Variants in RAVER2 observed in about 807,000 individuals in gnomAD.
The protein encoded by RAVER2 is ribonucleoprotein PTB-binding 2.
RAVER2 carries 46 observed loss-of-function variants against 78.1 expected under a neutral mutation model. That is an observed-to-expected ratio of 0.59 (90% CI 0.46 to 0.75). The LOEUF (loss-of-function observed/expected upper bound fraction) is 0.75, where lower values mean the gene tolerates loss of function less well. Among genes scored for constraint, RAVER2 ranks in the 30% least tolerant of loss-of-function variants. The pLI is 0.00. For synonymous variants in RAVER2, 311 were observed against 313.3 expected (o/e 0.99, Z 0.08); for missense variants, 793 against 837.5 (o/e 0.95, Z 0.66).
At chr1:64,832,361 G>GAAGT (rs144146267) in exon 12 of RAVER2, 28 of 152,666 alleles carry the variant, frequency 1.8e-4, no homozygotes, top group Admixed American at 1.1e-3. Context: ...ACTTGTGAAA[G>GAAGT]AAGTTTTATC....
At chr1:64,826,971 A>G (rs1292030715) in intron 11 of RAVER2, among the ~76,000 whole-genome samples, 1 of 152,150 alleles carries the variant, frequency 6.6e-6, no homozygotes, top group Non-Finnish European at 1.5e-5. Context: ...AGCAAGTTTT[A>G]TGGGTACGTT....
chr1:64,826,306 T>C (rs777679437), intron 11 of RAVER2, among the ~76,000 whole-genome samples: 1 of 152,178 alleles, frequency 6.6e-6, no homozygotes, highest in Non-Finnish European at 1.5e-5. Context: ...AGATGGAGGC[T>C]AAAGAGTGTC....
rs1651487580 is a variant in RAVER2 at position 64,745,200 on chromosome 1, G to A, written c.28G>A (p.Gly10Ser). The change falls in exon 1 of 12, where the codon GGC (glycine) becomes AGC (serine). Residue 10 changes from glycine (G) to serine (S), a missense_variant. Physicochemically the swap from Gly to Ser is moderately conservative, Grantham distance 56 (BLOSUM62 0). Coordinates refer to ENST00000294428, the Ensembl canonical transcript of RAVER2. This position sits in a 1 kb window ranked among gnomAD's most constrained non-coding sequence, Gnocchi z 4.3. Reference sequence around the variant, plus strand: ...GGCGGCGGCGGCGGGAGACGGCGGCGGCGAGGGGGGCGCGGGCCTGGGCAG... The same window carrying A: ...GGCGGCGGCGGCGGGAGACGGCGGCAGCGAGGGGGGCGCGGGCCTGGGCAG... 2 of 1,034,440 alleles carry A rather than the reference G, an allele frequency of 1.9e-6. No individual in the cohort carries two copies. The highest frequency in any genetic ancestry group is 8.6e-5 in the East Asian group (1 of 11,592). 64.1% of individuals were successfully genotyped at this position (1,034,440 alleles called of 1,614,324 possible).
At chr1:64,806,947 T>C (rs891696769) in intron 8 of RAVER2, among the ~76,000 whole-genome samples, 1 of 152,144 alleles carries the variant, frequency 6.6e-6, no homozygotes, top group African/African-American at 2.4e-5. Flanking sequence ...ATATATAGAA[T>C]TTAAAAACTT....
At chr1:64,807,415 C>G in exon 9 of RAVER2, 1 of 1,614,090 alleles carries the variant, frequency 6.2e-7, no homozygotes, top group Non-Finnish European at 8.5e-7. Flanking sequence ...TGGAAGCTTG[C>G]TGGTGGGACA....
At chr1:64,787,050 T>G (rs1365255639) in intron 4 of RAVER2, among the ~76,000 whole-genome samples, 2 of 152,174 alleles carry the variant, frequency 1.3e-5, no homozygotes, top group African/African-American at 4.8e-5. Flanking sequence ...AATACTTATG[T>G]TTTTCATAAT....
At chr1:64,779,549 T>A (rs1652572801) in intron 3 of RAVER2, among the ~76,000 whole-genome samples, 1 of 151,808 alleles carries the variant, frequency 6.6e-6, no homozygotes, top group Non-Finnish European at 1.5e-5. Context: ...TTAATTTTTT[T>A]TTTTTTTTGG....
chr1:64,764,675 ATAT>A (rs913433060), intron 1 of RAVER2, among the ~76,000 whole-genome samples: 9 of 152,228 alleles, frequency 5.9e-5, no homozygotes, highest in Admixed American at 5.9e-4. Flanking sequence ...AATCCAGAAT[ATAT>A]TATTTTAAGG....
At chr1:64,787,153 A>G (rs1652804533) in intron 4 of RAVER2, among the ~76,000 whole-genome samples, 1 of 152,112 alleles carries the variant, frequency 6.6e-6, no homozygotes, top group Non-Finnish European at 1.5e-5. Flanking sequence ...TATTACATTT[A>G]TTTGACATTC....
intron 1 of RAVER2, among the ~76,000 whole-genome samples, chr1:64,767,529 A>T (rs1652206967): frequency 6.6e-6 from 1 of 152,024 alleles, no homozygotes; most frequent in South Asian, 2.1e-4. Context: ...TGAATTCAGC[A>T]TTTTAGGTTA....
At chr1:64,765,660 G>C (rs574771292) in intron 1 of RAVER2, among the ~76,000 whole-genome samples, 1 of 152,296 alleles carries the variant, frequency 6.6e-6, no homozygotes, top group African/African-American at 2.4e-5. Context: ...AGAGGTGGAT[G>C]CAAATGTCAG....
At chr1:64,797,170 T>A (rs1194376134) in intron 5 of RAVER2, among the ~76,000 whole-genome samples, 5 of 152,070 alleles carry the variant, frequency 3.3e-5, no homozygotes, top group Non-Finnish European at 4.4e-5. Flanking sequence ...TTGAGAAGAA[T>A]ATATGTTCCG....
At chr1:64,757,827 C>T (rs11208518) in intron 1 of RAVER2, among the ~76,000 whole-genome samples, 14,675 of 152,136 alleles carry the variant, frequency 0.096, 1,025 homozygotes, top group East Asian at 0.28. Flanking sequence ...GTGTTCATAC[C>T]AATACATTAA....
At chr1:64,753,525 T>C (rs1651761307) in intron 1 of RAVER2, among the ~76,000 whole-genome samples, 1 of 46,674 alleles carries the variant, frequency 2.1e-5, no homozygotes, top group Non-Finnish European at 3.2e-5. Context: ...ATAGAATTCT[T>C]TTTTTTTTTT....
intron 9 of RAVER2, among the ~76,000 whole-genome samples, chr1:64,808,869 CTT>C (rs1193707655): frequency 2.6e-5 from 4 of 152,176 alleles, no homozygotes; most frequent in African/African-American, 9.7e-5. Flanking sequence ...CTTCATGTCT[CTT>C]TGCAATCTTT....
At chr1:64,823,940 C>T (rs957154050) in intron 11 of RAVER2, among the ~76,000 whole-genome samples, 5 of 151,356 alleles carry the variant, frequency 3.3e-5, no homozygotes, top group African/African-American at 4.9e-5. Flanking sequence ...CCGAGTAGCT[C>T]GAATTACAAG....
chr1:64,752,249 GGTTGAGGA>G (rs896139868), intron 1 of RAVER2, among the ~76,000 whole-genome samples: 1 of 152,210 alleles, frequency 6.6e-6, no homozygotes, highest in African/African-American at 2.4e-5. Flanking sequence ...GGGATCAGAG[GGTTGAGGA>G]GAGGAGCATT....
At chr1:64,761,242 C>A (rs1370749765) in intron 1 of RAVER2, among the ~76,000 whole-genome samples, 1 of 152,176 alleles carries the variant, frequency 6.6e-6, no homozygotes, top group Admixed American at 6.5e-5. Flanking sequence ...CAAAACCCTG[C>A]ATTGAAAGCA....
At chr1:64,764,966 T>TG (rs778121927) in intron 1 of RAVER2, among the ~76,000 whole-genome samples, 39 of 152,246 alleles carry the variant, frequency 2.6e-4, no homozygotes, top group Non-Finnish European at 4.6e-4. Flanking sequence ...TTTGATTAAA[T>TG]AACTGGACAC....
Sources: gnomAD v4.1 joint callset for allele counts (sites outside exome capture counted in the v4.1 genomes callset) on GRCh38, gnomAD v4.1.1 for gene constraint, Gnocchi (gnomAD v3.1) non-coding constraint, MANE v1.5 for transcripts, NCBI Gene and HGNC (gene_info 2026-07-23, HGNC 2026-07-21) for gene names.